AATF: variants seen among roughly 807,000 people sequenced by gnomAD.
AATF encodes the protein apoptosis antagonizing transcription factor, also known as protein AATF.
Under a neutral mutation model 63.7 loss-of-function variants are expected in AATF, and 48 were observed. The ratio of observed to expected loss-of-function variants is 0.75; its 90% CI spans 0.60 to 0.96. The LOEUF (loss-of-function observed/expected upper bound fraction) is 0.96. Ranked by LOEUF, AATF falls within the 40% of genes least tolerant of loss-of-function variation. AATF has a pLI of 0.00. For synonymous variants in AATF, 258 were observed against 247.7 expected (o/e 1.04, Z -0.39); for missense variants, 639 against 685.7 (o/e 0.93, Z 0.76).
rs1183879033 is a variant in AATF at position 36,986,691 on chromosome 17, A to C, written c.907A>C (p.Thr303Pro). 6 of 1,614,084 alleles carry C rather than the reference A, an allele frequency of 3.7e-6. No homozygotes were observed. The highest frequency in any genetic ancestry group is 5.1e-6 in the Non-Finnish European group (6 of 1,180,044). Reference sequence around the variant, plus strand: ...AGAGTTGCTTTTCCAGTACCCAGACACTAGATATCTAGTAGATGGGACAAA... The same window carrying C: ...AGAGTTGCTTTTCCAGTACCCAGACCCTAGATATCTAGTAGATGGGACAAA... ...QEELLFQYPD[T>P]RYLVDGTKPN... The change falls in exon 5 of 12, where the codon ACT becomes CCT. Residue 303 changes from threonine to proline, a missense_variant. Transcript: ENST00000619387.
chr17:36,980,690 GGAGA>G (rs1292751977), intron 4 of AATF, among the ~76,000 whole-genome samples: 2 of 152,066 alleles, frequency 1.3e-5, no homozygotes, highest in African/African-American at 2.4e-5. Flanking sequence ...TGAGTTTCCG[GGAGA>G]GAGTCTTTCC....
At chr17:36,992,760 G>C (rs1018795102) in intron 8 of AATF, among the ~76,000 whole-genome samples, 9 of 152,050 alleles carry the variant, frequency 5.9e-5, no homozygotes, top group Non-Finnish European at 7.4e-5. Context: ...TCCCCTTGCT[G>C]GTTAATTGGG....
intron 4 of AATF, among the ~76,000 whole-genome samples, chr17:36,955,164 G>A (rs2070889382): frequency 6.6e-6 from 1 of 152,196 alleles, no homozygotes; most frequent in Non-Finnish European, 1.5e-5. Flanking sequence ...TGGAGTTAGA[G>A]TTGGAAGGGA....
At chr17:37,008,315 T>C (rs1308548498) in intron 8 of AATF, among the ~76,000 whole-genome samples, 2 of 152,218 alleles carry the variant, frequency 1.3e-5, no homozygotes, top group Admixed American at 1.3e-4. Flanking sequence ...CTTTATAAGA[T>C]GAGGAAACTG....
intron 11 of AATF, among the ~76,000 whole-genome samples, chr17:37,037,530 T>C (rs1203208899): frequency 1.3e-5 from 2 of 152,212 alleles, no homozygotes; most frequent in Non-Finnish European, 2.9e-5. Context: ...AAGGACCTTT[T>C]AGAAACAGTG....
At chr17:36,993,810 A>C (rs2071233690) in intron 8 of AATF, among the ~76,000 whole-genome samples, 1 of 152,178 alleles carries the variant, frequency 6.6e-6, no homozygotes, top group South Asian at 2.1e-4. Flanking sequence ...AAGGGTTTAA[A>C]GGCTTACTTG....
At chr17:36,966,821 C>A (rs898621812) in intron 4 of AATF, among the ~76,000 whole-genome samples, 6 of 152,110 alleles carry the variant, frequency 3.9e-5, no homozygotes, top group African/African-American at 1.4e-4. Context: ...CCAGGCTGAT[C>A]TCAAACTCCT....
chr17:36,957,294 G>A (rs1439075031), intron 4 of AATF, among the ~76,000 whole-genome samples: 1 of 152,154 alleles, frequency 6.6e-6, no homozygotes, highest in Non-Finnish European at 1.5e-5. Context: ...TCAATAGAAA[G>A]CATTAGCACA....
chr17:37,036,303 T>G (rs186676103), intron 11 of AATF, among the ~76,000 whole-genome samples: 3 of 152,306 alleles, frequency 2.0e-5, no homozygotes, highest in African/African-American at 7.2e-5. Flanking sequence ...TCCAGTTGCG[T>G]ATCCTTGAAT....
At chr17:36,968,275 T>C (rs2071010888) in intron 4 of AATF, among the ~76,000 whole-genome samples, 3 of 76,192 alleles carry the variant, frequency 3.9e-5, no homozygotes, top group South Asian at 8.3e-4. Context: ...TCTTTCTTTT[T>C]TTTTTTTTTT....
At chr17:36,951,968 T>C (rs2070858701) in intron 2 of AATF, among the ~76,000 whole-genome samples, 1 of 152,190 alleles carries the variant, frequency 6.6e-6, no homozygotes, top group South Asian at 2.1e-4. Flanking sequence ...ATGGAACAGA[T>C]TGGATAAACT....
At chr17:37,048,872 G>A (rs1020520109) in intron 11 of AATF, among the ~76,000 whole-genome samples, 7 of 152,186 alleles carry the variant, frequency 4.6e-5, no homozygotes, top group African/African-American at 1.7e-4. Flanking sequence ...CGAGTAGGAT[G>A]AATTTGGGTC....
chr17:36,995,722 C>A lies in AATF; in HGVS notation c.1398+4865C>A, dbSNP rs372132479. Reference sequence around the variant, plus strand: ...AGCTGGGACTATAGACAGGTACCATCACACCCAGCTAATTTTCATATTTTT... The same window carrying A: ...AGCTGGGACTATAGACAGGTACCATAACACCCAGCTAATTTTCATATTTTT... On this transcript the variant is annotated intron_variant, in intron 8 of 11. Transcript: ENST00000619387. Among the ~76,000 whole-genome samples, 6 of 151,786 alleles carry A rather than the reference C, an allele frequency of 4.0e-5. No individual in the cohort carries two copies. The East Asian group carries it at 9.7e-4, about 25-fold the overall frequency.
rs978796670 is a variant in AATF at position 37,049,340 on chromosome 17, C to T, written c.1620-7261C>T. ...TGTCCAAGCCGGGCGCGGTGGCTCA[C>T]GCCTGTAATCCCAGCACTTTGGGAG... On this transcript the variant is annotated intron_variant, in intron 11 of 11. Transcript: ENST00000619387. Among the ~76,000 whole-genome samples the T allele has an allele frequency of 9.2e-5, 14 of 152,120 alleles. No homozygotes were observed. The East Asian group carries it at 1.5e-3, about 17-fold the overall frequency.
At position 36,988,550 on chromosome 17, in the gene AATF, G is replaced by T. The variant is rs1182681506; in HGVS notation, c.979G>T (p.Val327Leu). ...GATTTCTAGTGAAGATGATGAGCTG[G>T]TAGAAGAGAAGAAGCAGCAACGAAG... is the stretch of plus-strand genomic sequence containing the variant. Reference protein sequence around the residue: ...EEISSEDDELVEEKKQQRRRV... With the variant: ...EEISSEDDELLEEKKQQRRRV... The change falls in exon 6 of 12, where the codon GTA (valine) becomes TTA (leucine). Residue 327 changes from valine to leucine, a missense_variant. Coordinates refer to ENST00000619387, the MANE Select transcript of AATF (RefSeq NM_012138.4). The T allele has an allele frequency of 6.2e-7, 1 of 1,614,100 alleles. No individual in the cohort carries two copies. Among genetic ancestry groups the T allele is most frequent in the Admixed American group, 1.7e-5 (1 of 60,008 alleles).
At chr17:37,052,870 C>G (rs1424171330) in intron 11 of AATF, 1 of 152,168 alleles carries the variant, frequency 6.6e-6, no homozygotes, top group Non-Finnish European at 1.5e-5. Flanking sequence ...CCTGTGCAGG[C>G]CGGGTGGTTT....
intron 11 of AATF, among the ~76,000 whole-genome samples, chr17:37,038,140 C>T (rs951910016): frequency 1.3e-5 from 2 of 152,120 alleles, no homozygotes; most frequent in African/African-American, 4.8e-5. Context: ...AATACAGAAG[C>T]ATTCCAAAAA....
intron 8 of AATF, among the ~76,000 whole-genome samples, chr17:37,000,389 A>G (rs901760832): frequency 6.6e-6 from 1 of 152,196 alleles, no homozygotes; most frequent in East Asian, 1.9e-4. Context: ...GAGAGAAGCT[A>G]GTTTGGAAGA....
Position 36,964,721 on chromosome 17 carries a change from C to T in AATF, c.832+10814C>T, listed in dbSNP as rs371261625. ...GCTTAAAATCATGCTATTTTCAGTT[C>T]GCTTCCTATTTATTTATTTTTTCCC... On this transcript the variant is annotated intron_variant, in intron 4 of 11. Transcript: ENST00000619387. Among the ~76,000 whole-genome samples, 47 of 151,966 alleles carry T rather than the reference C, an allele frequency of 3.1e-4. No individual in the cohort carries two copies. The East Asian group carries it at 4.9e-3, about 16-fold the overall frequency.
Sources: gnomAD v4.1 joint callset for allele counts (sites outside exome capture counted in the v4.1 genomes callset) on GRCh38, gnomAD v4.1.1 for gene constraint, MANE v1.5 for transcripts, NCBI Gene and HGNC (gene_info 2026-07-23, HGNC 2026-07-21) for gene names.